Variants in RAD51B observed in about 807,000 individuals in gnomAD.
RAD51B encodes the protein RAD51 paralog B.
In RAD51B, 38 loss-of-function variants were observed where a neutral mutation model predicts 42.2. The observed-to-expected ratio is 0.90, with a 90% CI of 0.70 to 1.18. The LOEUF (loss-of-function observed/expected upper bound fraction) is 1.18, where lower values mean the gene tolerates loss of function less well. Ranked by LOEUF, RAD51B falls within the 50% of genes most tolerant of loss-of-function variation. The pLI is 0.00. For synonymous variants in RAD51B, 154 were observed against 145.2 expected (o/e 1.06, Z -0.43); for missense variants, 373 against 400.7 (o/e 0.93, Z 0.59).
intron 8 of RAD51B, among the ~76,000 whole-genome samples, chr14:68,341,310 C>T (rs1345880941): frequency 6.6e-6 from 1 of 152,132 alleles, no homozygotes. Context: ...CATTAAATGA[C>T]ACTGTGTCAT....
At chr14:68,096,026 T>C (rs1377172129) in intron 7 of RAD51B, among the ~76,000 whole-genome samples, 1 of 151,662 alleles carries the variant, frequency 6.6e-6, no homozygotes, top group Non-Finnish European at 1.5e-5. Flanking sequence ...TAAGTGATTT[T>C]TCGAGGGCCA....
At chr14:68,139,268 G>T (rs1389153294) in intron 7 of RAD51B, among the ~76,000 whole-genome samples, 2 of 143,474 alleles carry the variant, frequency 1.4e-5, no homozygotes, top group Non-Finnish European at 3.1e-5. Context: ...ATTCTAAATG[G>T]TTTTTTTTTT....
At chr14:68,455,345 G>A (rs1006804111) in intron 9 of RAD51B, among the ~76,000 whole-genome samples, 1 of 152,110 alleles carries the variant, frequency 6.6e-6, no homozygotes, top group Non-Finnish European at 1.5e-5. Flanking sequence ...AGAAACACCT[G>A]CCATACAGAA....
At chr14:67,920,338 A>C (rs891207211) in intron 7 of RAD51B, among the ~76,000 whole-genome samples, 9 of 152,188 alleles carry the variant, frequency 5.9e-5, no homozygotes, top group Non-Finnish European at 1.3e-4. Context: ...AGATTGATTA[A>C]AAAATACAAA....
chr14:68,291,917 A>G lies in RAD51B; in HGVS notation c.790A>G (p.Ser264Gly). 1 of 1,613,786 alleles carries G rather than the reference A, an allele frequency of 6.2e-7. No homozygotes were observed. The highest frequency in any genetic ancestry group is 1.1e-5 in the South Asian group (1 of 91,070). The change falls in exon 8 of 11, where the codon AGT becomes GGT. Residue 264 changes from serine (S) to glycine (G), a missense_variant. By Grantham distance (56) the Ser-to-Gly change is moderately conservative. Coordinates refer to ENST00000471583, the MANE Select transcript of RAD51B (RefSeq NM_133510.4). The part of the protein sequence containing the change: ...ILTNQITTHL[S>G]GALASQADLV... ...GACGAATCAGATTACAACCCATCTG[A>G]GTGGAGCCCTGGCTTCTCAGGCAGA...
At chr14:68,471,693 C>CA (rs35932002) in intron 10 of RAD51B, among the ~76,000 whole-genome samples, 67,125 of 130,392 alleles carry the variant, frequency 0.51, 16,660 homozygotes, top group East Asian at 0.88. Flanking sequence ...TCTCCTTTTG[C>CA]AAAAAAAAAA....
At chr14:68,100,755 C>T (rs1378911180) in intron 7 of RAD51B, among the ~76,000 whole-genome samples, 1 of 152,196 alleles carries the variant, frequency 6.6e-6, no homozygotes, top group Non-Finnish European at 1.5e-5. Flanking sequence ...TCATTGCCCT[C>T]TTCCCCATTT....
rs1417787226 is a variant in RAD51B, at chr14:68,339,043, G to A, written c.853+47063G>A. 9.0e-6 allele frequency: 6 copies of A among 666,264 alleles called. No homozygotes were observed. The African/African-American group carries it at 1.1e-4, about 12-fold the overall frequency. 41.3% of individuals were successfully genotyped at this position (666,264 alleles called of 1,614,324 possible). ...AGGCAGAAGACAGCCAGCTCGATGG[G>A]ATCGACATCGTGTGCAGTCATCACC... On this transcript the variant is annotated intron_variant, in intron 8 of 10. Transcript: ENST00000471583.
chr14:68,121,321 A>G (rs535906081), intron 7 of RAD51B, among the ~76,000 whole-genome samples: 1 of 152,212 alleles, frequency 6.6e-6, no homozygotes, highest in Non-Finnish European at 1.5e-5. Flanking sequence ...AAACTTTTCC[A>G]ATTATTCCAG....
intron 10 of RAD51B, among the ~76,000 whole-genome samples, chr14:68,502,755 T>C (rs1885013901): frequency 6.6e-6 from 1 of 152,218 alleles, no homozygotes. Flanking sequence ...TGTTGGCCTC[T>C]GCGGTGCCTA....
intron 10 of RAD51B, among the ~76,000 whole-genome samples, chr14:68,650,439 G>A (rs969583669): frequency 6.6e-6 from 1 of 152,208 alleles, no homozygotes; most frequent in Admixed American, 6.5e-5. Context: ...CACAGTACCA[G>A]CCTGACACAT....
chr14:68,384,503 G>A lies in RAD51B; in HGVS notation c.854-26921G>A, dbSNP rs549459732. Reference sequence around the variant, plus strand: ...GCAGTAGATAATTTGTGAAGCGGTCGTTTGCCTCCCAGAGTGGCAAGGCTG... The same window carrying A: ...GCAGTAGATAATTTGTGAAGCGGTCATTTGCCTCCCAGAGTGGCAAGGCTG... On this transcript the variant is annotated intron_variant, in intron 8 of 10. Coordinates refer to ENST00000471583, the MANE Select transcript of RAD51B (RefSeq NM_133510.4). Among the ~76,000 whole-genome samples, 10 of 152,262 alleles carry A rather than the reference G, an allele frequency of 6.6e-5. No individual in the cohort carries two copies. The South Asian group carries it at 1.0e-3, about 16-fold the overall frequency.
chr14:68,499,437 G>A (rs772886243), intron 10 of RAD51B, among the ~76,000 whole-genome samples: 1 of 152,178 alleles, frequency 6.6e-6, no homozygotes, highest in East Asian at 1.9e-4. Flanking sequence ...CACCCCAGGT[G>A]AGAGGTCTTA....
At chr14:68,368,161 A>G (rs2083180662) in intron 8 of RAD51B, among the ~76,000 whole-genome samples, 1 of 152,246 alleles carries the variant, frequency 6.6e-6, no homozygotes, top group Non-Finnish European at 1.5e-5. Context: ...TAATTGGGAA[A>G]GGAATTAACT....
chr14:68,015,304 A>T (rs752445411), intron 7 of RAD51B, among the ~76,000 whole-genome samples: 2 of 152,178 alleles, frequency 1.3e-5, no homozygotes, highest in Non-Finnish European at 2.9e-5. Flanking sequence ...TATGATGGGG[A>T]TACAAAGGTG....
At chr14:68,219,488 C>T (rs1218289800) in intron 7 of RAD51B, among the ~76,000 whole-genome samples, 1 of 152,160 alleles carries the variant, frequency 6.6e-6, no homozygotes, top group African/African-American at 2.4e-5. Context: ...TCCTCGGCTG[C>T]AAGACCTGAA....
intron 10 of RAD51B, among the ~76,000 whole-genome samples, chr14:68,526,002 C>T (rs1886902978): frequency 6.6e-6 from 1 of 152,208 alleles, no homozygotes; most frequent in Non-Finnish European, 1.5e-5. Flanking sequence ...ATTCCTGAGG[C>T]TCTGGTTCAG....
At chr14:68,479,497 G>A (rs1018895830), downstream of RAD51B, among the ~76,000 whole-genome samples, 2 of 152,118 alleles carry the variant, frequency 1.3e-5, no homozygotes, top group African/African-American at 4.8e-5. Context: ...CAGGGACAGA[G>A]AAGAATCTGA....
intron 7 of RAD51B, among the ~76,000 whole-genome samples, chr14:68,071,022 T>C (rs1595357378): frequency 6.6e-6 from 1 of 152,236 alleles, no homozygotes; most frequent in South Asian, 2.1e-4. Context: ...TATTCCTAAG[T>C]ATTTTGGTTT....
Sources: gnomAD v4.1 joint callset for allele counts (sites outside exome capture counted in the v4.1 genomes callset) on GRCh38, gnomAD v4.1.1 for gene constraint, MANE v1.5 for transcripts, NCBI Gene and HGNC (gene_info 2026-07-23, HGNC 2026-07-21) for gene names.